CSNK1G1: variants seen among roughly 807,000 people sequenced by gnomAD.
CSNK1G1 encodes the protein casein kinase 1 gamma 1, also known as casein kinase I isoform gamma-1.
CSNK1G1 carries 22 observed loss-of-function variants against 59.6 expected under a neutral mutation model. The observed-to-expected ratio is 0.37, with a 90% CI of 0.26 to 0.53. The LOEUF (loss-of-function observed/expected upper bound fraction) is 0.53, where lower values mean the gene tolerates loss of function less well. Ranked by LOEUF, CSNK1G1 falls within the 20% of genes least tolerant of loss-of-function variation. The pLI is 0.89. For synonymous variants in CSNK1G1, 179 were observed against 177.1 expected (o/e 1.01, Z -0.08); for missense variants, 384 against 519.5 (o/e 0.74, Z 2.54).
chr15:64,205,996 A>C (rs1353622690), intron 7 of CSNK1G1, among the ~76,000 whole-genome samples: 2 of 152,180 alleles, frequency 1.3e-5, no homozygotes, highest in Non-Finnish European at 2.9e-5. Flanking sequence ...AATATGTTGA[A>C]ATAAATTACA....
chr15:64,288,466 G>A (rs1448046520), intron 2 of CSNK1G1, among the ~76,000 whole-genome samples: 1 of 151,806 alleles, frequency 6.6e-6, no homozygotes, highest in African/African-American at 2.4e-5. Flanking sequence ...CTTGCCTATA[G>A]GATTCAGAAC....
At chr15:64,339,250 T>G (rs1021899801) in intron 1 of CSNK1G1, among the ~76,000 whole-genome samples, 1 of 152,162 alleles carries the variant, frequency 6.6e-6, no homozygotes, top group African/African-American at 2.4e-5. Flanking sequence ...CTACCCCAGA[T>G]GAGCTGAATC....
At chr15:64,308,436 T>C (rs1895806540) in intron 1 of CSNK1G1, among the ~76,000 whole-genome samples, 1 of 33,926 alleles carries the variant, frequency 2.9e-5, no homozygotes, top group Admixed American at 3.8e-4. Flanking sequence ...CAGCTGTTCA[T>C]TATTAAAGGG....
At chr15:64,318,583 G>A (rs1188667246) in intron 1 of CSNK1G1, among the ~76,000 whole-genome samples, 1 of 148,680 alleles carries the variant, frequency 6.7e-6, no homozygotes, top group Non-Finnish European at 1.5e-5. Flanking sequence ...CTCTCACTCT[G>A]TTGCCCAGGC....
chr15:64,188,601 A>T lies in CSNK1G1; in HGVS notation c.1108-8147T>A. 1 of 737,584 alleles carries T rather than the reference A, an allele frequency of 1.4e-6. No individual in the cohort carries two copies. The highest frequency in any genetic ancestry group is 1.8e-5 in the South Asian group (1 of 55,830). 45.7% of individuals were successfully genotyped at this position (737,584 alleles called of 1,614,324 possible). A position where few individuals can be genotyped will look rare whatever the true frequency, so the allele number is the denominator to read the frequency against. On this transcript the variant is annotated intron_variant, in intron 10 of 11. Coordinates refer to ENST00000303052, the MANE Select transcript of CSNK1G1 (RefSeq NM_022048.5). This position sits in a 1 kb window ranked among gnomAD's most constrained non-coding sequence, Gnocchi z 4.2. ...CTGTAGGTTTTTCTTTCGGTTTTGG[A>T]TTTTAAACTAACAACCACTGGAAAG...
At chr15:64,275,844 CTA>C (rs1893582669) in intron 2 of CSNK1G1, among the ~76,000 whole-genome samples, 2 of 152,032 alleles carry the variant, frequency 1.3e-5, no homozygotes, top group African/African-American at 2.4e-5. Flanking sequence ...CAGATATTAA[CTA>C]TGTGTATATT....
At chr15:64,343,647 C>G (rs933393127) in intron 1 of CSNK1G1, among the ~76,000 whole-genome samples, 1 of 151,882 alleles carries the variant, frequency 6.6e-6, no homozygotes, top group Non-Finnish European at 1.5e-5. Context: ...CAGATTAGAT[C>G]AAGTTTTTGC....
chr15:64,269,772 G>C (rs1893182696), intron 2 of CSNK1G1, among the ~76,000 whole-genome samples: 1 of 151,844 alleles, frequency 6.6e-6, no homozygotes, highest in Non-Finnish European at 1.5e-5. Context: ...GGGATTACAG[G>C]TGTGAGCCAC....
At chr15:64,191,562 A>G (rs1224837334) in intron 10 of CSNK1G1, among the ~76,000 whole-genome samples, 2 of 152,212 alleles carry the variant, frequency 1.3e-5, no homozygotes, top group Non-Finnish European at 2.9e-5. Context: ...TTCTAGTTCA[A>G]TAAATAATTT....
At chr15:64,197,447 C>T (rs1324136204) in intron 10 of CSNK1G1, among the ~76,000 whole-genome samples, 1 of 152,204 alleles carries the variant, frequency 6.6e-6, no homozygotes, top group African/African-American at 2.4e-5. Flanking sequence ...CAAGTTCCTC[C>T]CCCAACTTTG....
intron 11 of CSNK1G1, among the ~76,000 whole-genome samples, chr15:64,175,574 A>T (rs1050516414): frequency 6.6e-6 from 1 of 152,186 alleles, no homozygotes; most frequent in African/African-American, 2.4e-5. Flanking sequence ...AATACATTCC[A>T]GGAACCTTTT....
intron 11 of CSNK1G1, among the ~76,000 whole-genome samples, chr15:64,177,867 A>G (rs1596049766): frequency 6.6e-6 from 1 of 152,256 alleles, no homozygotes; most frequent in African/African-American, 2.4e-5. Context: ...AAAGTATACT[A>G]TTAAATCCAA....
At chr15:64,336,981 A>G (rs1438224814) in intron 1 of CSNK1G1, among the ~76,000 whole-genome samples, 1 of 151,998 alleles carries the variant, frequency 6.6e-6, no homozygotes, top group African/African-American at 2.4e-5. Flanking sequence ...TAATCCCAGC[A>G]CTTCAGGAGG....
At chr15:64,280,279 T>C (rs532408058) in intron 2 of CSNK1G1, among the ~76,000 whole-genome samples, 2 of 152,268 alleles carry the variant, frequency 1.3e-5, no homozygotes, top group South Asian at 4.1e-4. Flanking sequence ...AAGACAGCCC[T>C]TCTCAAGAAG....
At chr15:64,246,115 G>A (rs1165856573) in intron 4 of CSNK1G1, among the ~76,000 whole-genome samples, 1 of 152,038 alleles carries the variant, frequency 6.6e-6, no homozygotes, top group African/African-American at 2.4e-5. Flanking sequence ...ACAAAGAAAT[G>A]GTAAATGTTT....
chr15:64,321,021 A>G (rs1896534392), intron 1 of CSNK1G1, among the ~76,000 whole-genome samples: 2 of 152,274 alleles, frequency 1.3e-5, no homozygotes, highest in South Asian at 4.1e-4. Flanking sequence ...TTCGTAATAT[A>G]AAAGCAAAAG....
chr15:64,346,127 C>G (rs1011839172), intron 1 of CSNK1G1, among the ~76,000 whole-genome samples: 4 of 152,068 alleles, frequency 2.6e-5, no homozygotes, highest in African/African-American at 9.6e-5. Context: ...TGCAGTGGCT[C>G]ACACTTACAA....
intron 2 of CSNK1G1, among the ~76,000 whole-genome samples, chr15:64,293,830 G>A (rs1894869252): frequency 6.6e-6 from 1 of 152,066 alleles, no homozygotes; most frequent in Non-Finnish European, 1.5e-5. Flanking sequence ...GATCTAGGGT[G>A]GAACAGTTTC....
chr15:64,197,043 T>G (rs1052191190), intron 10 of CSNK1G1, among the ~76,000 whole-genome samples: 14 of 152,240 alleles, frequency 9.2e-5, no homozygotes, highest in Admixed American at 3.3e-4. Context: ...GTGCCCACTA[T>G]TCTAAACATT....
Sources: gnomAD v4.1 joint callset for allele counts (sites outside exome capture counted in the v4.1 genomes callset) on GRCh38, gnomAD v4.1.1 for gene constraint, Gnocchi (gnomAD v3.1) non-coding constraint, MANE v1.5 for transcripts, NCBI Gene and HGNC (gene_info 2026-07-23, HGNC 2026-07-21) for gene names.